Variants in BRME1 observed in about 807,000 individuals in gnomAD.
The protein encoded by BRME1 is break repair meiotic recombinase recruitment factor 1, also known as BRCA2 and MEILB2-associating protein 1.
A neutral mutation model predicts 52.6 loss-of-function variants in BRME1; 31 were observed. That is an observed-to-expected ratio of 0.59 (90% CI 0.44 to 0.80). BRME1 has a LOEUF of 0.80. BRME1 is among the 30% of genes least tolerant of loss of function. The pLI, the probability that BRME1 is intolerant of heterozygous loss-of-function variation, is 0.00. For synonymous variants in BRME1, 359 were observed against 353.6 expected, an observed-to-expected ratio of 1.02 and a Z score of -0.17; for missense variants, 804 against 860.3, an observed-to-expected ratio of 0.93 and a Z score of 0.82.
In BRME1 at chr19:13,893,219, G is replaced by T; in HGVS notation, c.211C>A (p.Pro71Thr). Residue 71 changes from proline (P) to threonine (T), a missense_variant, in exon 4 of 9, where the codon CCT becomes ACT. Pro to Thr is a conservative substitution (Grantham distance 38, BLOSUM62 -1). This residue lies in a region of BRME1 where 234 missense variants were observed against 258.1 expected (regional missense o/e 0.91). Transcript: ENST00000586783. ...CAGGGAGATCCTGTTTCCTCATCAG[G>T]GGAGCTATGTAGGAAAAGATAAAAC... ...EEPGKAVSSS[P>T]DEETGSPCRL... is the part of the protein sequence containing the mutation. The T allele has an allele frequency of 3.2e-6, 5 of 1,580,008 alleles. No homozygotes were observed. Among genetic ancestry groups the T allele is most frequent in the Non-Finnish European group, 4.3e-6 (5 of 1,163,836 alleles).
At chr19:13,897,581 G>T (rs1237195797) in intron 2 of BRME1, among the ~76,000 whole-genome samples, 1 of 151,874 alleles carries the variant, frequency 6.6e-6, no homozygotes, top group Non-Finnish European at 1.5e-5. Context: ...ATTGGCCTTT[G>T]CCACCAGCAA....
Position 13,895,383 on chromosome 19 carries a change from C to T in BRME1, c.195G>A (p.Lys65=), listed in dbSNP as rs750135283. 6.2e-7 allele frequency: 1 copy of T among 1,613,128 alleles called. No individual in the cohort carries two copies. The highest frequency in any genetic ancestry group is 8.5e-7 in the Non-Finnish European group (1 of 1,179,764). ...TCAGAGCCACCTACCTGGAGACGGC[C>T]TTTCCTGGTTCCTCCCCGTGCTGCT... is the stretch of plus-strand genomic sequence containing the variant. ...STQQHGEEPG[K]AVSSSPDEET... The change falls in exon 3 of 9, where the codon AAG becomes AAA. Residue 65 remains lysine, a synonymous_variant. Transcript: ENST00000586783.
chr19:13,887,466 C>T (rs1398499863), intron 6 of BRME1, among the ~76,000 whole-genome samples: 2 of 152,170 alleles, frequency 1.3e-5, no homozygotes, highest in Non-Finnish European at 2.9e-5. Flanking sequence ...GTCTGGATTT[C>T]AGGGTCTTTT....
At position 13,883,203 on chromosome 19, in the gene BRME1, C is replaced by G; in HGVS notation, c.1856+105G>C. 1.8e-6 allele frequency: 2 copies of G among 1,136,940 alleles called. No homozygotes were observed. The highest frequency in any genetic ancestry group is 2.9e-5 in the South Asian group (2 of 68,944). 70.4% of individuals were successfully genotyped at this position (1,136,940 alleles called of 1,614,324 possible). On this transcript the variant is annotated intron_variant, in intron 8 of 8. Transcript: ENST00000586783. The surrounding 1 kb of genome is among the most constrained non-coding windows in gnomAD (Gnocchi z 4.2). ...CCCAGCAGCAGTGAGGTGCCTGACC[C>G]TCGCTGCCCACCTAGGGGCTTCACA...
chr19:13,894,945 A>T (rs1206167573), intron 3 of BRME1, among the ~76,000 whole-genome samples: 2 of 151,974 alleles, frequency 1.3e-5, no homozygotes, highest in African/African-American at 4.8e-5. Context: ...TAGTGGCATG[A>T]TCTCAGCTTA....
chr19:13,891,147 A>T (rs930440614), intron 5 of BRME1, among the ~76,000 whole-genome samples: 3 of 148,464 alleles, frequency 2.0e-5, no homozygotes, highest in Admixed American at 6.7e-5. Context: ...TATTATTATT[A>T]TTATTATTAT....
Position 13,882,386 on chromosome 19 carries a change from C to A in BRME1, c.*416G>T. ...ACAGAATCATTTATTATGGGTCTTC[C>A]CAGAAGAAATAAAATGGAAATGGGG... On this transcript the variant is annotated 3_prime_UTR_variant, in exon 9 of 9. Transcript: ENST00000586783. 1 of 408,644 alleles carries A rather than the reference C, an allele frequency of 2.4e-6. No homozygotes were observed. Among genetic ancestry groups the A allele is most frequent in the Non-Finnish European group, 4.3e-6 (1 of 232,254 alleles). The allele number at this position is 408,644 out of a possible 1,614,324, so 25.3% of individuals were successfully genotyped here. A position where few individuals can be genotyped will look rare whatever the true frequency, so the allele number is the denominator to read the frequency against.
In BRME1 at chr19:13,904,925, C is replaced by A; in HGVS notation, c.-21-12G>T. ...TCCCCTTGAGAAATCTGAAAACAAG[C>A]AAAATCTCTCATCATTATAAGCAGT... On this transcript the variant is annotated splice_polypyrimidine_tract_variant and intron_variant, in intron 1 of 8. Transcript: ENST00000586783. 1 of 1,599,084 alleles carries A rather than the reference C, an allele frequency of 6.3e-7. No homozygotes were observed. Among genetic ancestry groups the A allele is most frequent in the Non-Finnish European group, 8.6e-7 (1 of 1,166,846 alleles).
intron 2 of BRME1, among the ~76,000 whole-genome samples, chr19:13,898,712 T>C (rs1408955178): frequency 6.6e-6 from 1 of 151,576 alleles, no homozygotes; most frequent in East Asian, 1.9e-4. Flanking sequence ...TCCCCTGAGG[T>C]CGGGAGTTTA....
At chr19:13,891,439 G>A (rs956504205) in intron 5 of BRME1, among the ~76,000 whole-genome samples, 3 of 151,564 alleles carry the variant, frequency 2.0e-5, no homozygotes, top group African/African-American at 7.3e-5. Context: ...ATGAGCCACT[G>A]CGCCCAGCGG....
At position 13,895,551 on chromosome 19, in the gene BRME1, T is replaced by G; in HGVS notation, c.32-5A>C. ...TTGGAGGACAGAGTCCCTCTCCTGTTTTAGAGACAGAGGAAGATGAAGGGG... is the reference window on the plus strand; with the variant it reads ...TTGGAGGACAGAGTCCCTCTCCTGTGTTAGAGACAGAGGAAGATGAAGGGG... On this transcript the variant is annotated splice_region_variant and splice_polypyrimidine_tract_variant and intron_variant, in intron 2 of 8. Coordinates refer to ENST00000586783, the MANE Select transcript of BRME1 (RefSeq NM_001345843.2). The G allele has an allele frequency of 6.2e-7, 1 of 1,610,198 alleles. No individual in the cohort carries two copies. Among genetic ancestry groups the G allele is most frequent in the Non-Finnish European group, 8.5e-7 (1 of 1,178,056 alleles).
rs746459535 is a variant in BRME1, at chr19:13,886,044, C to A, written c.1680G>T (p.Ser560=). ...FEAPPEQLFP[S]GNKPGPCWPG... ...GCCAGCAAGGGCCCGGCTTGTTCCC[C>A]GAAGGAAAGAGCTGGAAAGAGAGCA... is the stretch of plus-strand genomic sequence containing the variant. Residue 560 remains serine (S), a synonymous_variant, in exon 7 of 9, where the codon TCG becomes TCT. Transcript: ENST00000586783. The A allele has an allele frequency of 6.2e-7, 1 of 1,613,902 alleles. No individual in the cohort carries two copies. Among genetic ancestry groups the A allele is most frequent in the Non-Finnish European group, 8.5e-7 (1 of 1,179,974 alleles).
chr19:13,903,503 T>C (rs1473586085), intron 2 of BRME1, among the ~76,000 whole-genome samples: 2 of 151,942 alleles, frequency 1.3e-5, no homozygotes, highest in African/African-American at 2.4e-5. Context: ...TGAAACCCTA[T>C]CCCTACTAAA....
intron 3 of BRME1, among the ~76,000 whole-genome samples, chr19:13,894,443 T>C (rs1046747835): frequency 6.6e-6 from 1 of 152,136 alleles, no homozygotes; most frequent in Non-Finnish European, 1.5e-5. Context: ...GAGAATCGCT[T>C]GAACCCGGGA....
At chr19:13,904,761 A>C (rs1970551216) in intron 2 of BRME1, 101 bp downstream of exon 2, 3 of 1,237,352 alleles carry the variant, frequency 2.4e-6, no homozygotes, top group Middle Eastern at 1.9e-4. Context: ...CCTTTTAAGG[A>C]GGTTAAGGCA....
At position 13,889,819 on chromosome 19, in the gene BRME1, G is replaced by T; in HGVS notation, c.1037C>A (p.Pro346His). 6.2e-7 allele frequency: 1 copy of T among 1,613,136 alleles called. No homozygotes were observed. The part of the protein sequence containing the change: ...MVVIADLSTD[P>H]TELEERALEV... ...CAGAGCCCTCTCTTCCAGCTCAGTGGGGTCTGTGCTCAGGTCTGCGATGAC... is the reference window on the plus strand; with the variant it reads ...CAGAGCCCTCTCTTCCAGCTCAGTGTGGTCTGTGCTCAGGTCTGCGATGAC... The change falls in exon 6 of 9, where the codon CCC becomes CAC. Residue 346 changes from proline to histidine, a missense_variant. Pro to His is a moderately conservative substitution (Grantham distance 77). Around this residue, in one of 3 missense-constraint regions of BRME1, gnomAD observed 552 missense variants for 561.1 expected, o/e 0.98. Transcript: ENST00000586783.
At chr19:13,904,729 C>T (rs538904853) in intron 2 of BRME1, 133 bp downstream of exon 2, 34 of 940,034 alleles carry the variant, frequency 3.6e-5, no homozygotes, top group African/African-American at 1.0e-4. Context: ...TGTGAGCCAC[C>T]GCACCCGGCC....
rs377496573 is a variant in BRME1, at chr19:13,892,899, C to G, written c.289-9G>C. The G allele has an allele frequency of 1.9e-6, 3 of 1,607,968 alleles. 1 individual carries two copies. Among genetic ancestry groups the G allele is most frequent in the Non-Finnish European group, 8.5e-7 (1 of 1,174,372 alleles). ...AACCTCCCGAATGAGTTCTGTAAACCGGATACAAGAACAAAGCAGCAATAA... is the reference window on the plus strand; with the variant it reads ...AACCTCCCGAATGAGTTCTGTAAACGGGATACAAGAACAAAGCAGCAATAA... On this transcript the variant is annotated splice_polypyrimidine_tract_variant and intron_variant, in intron 4 of 8. Transcript: ENST00000586783.
chr19:13,898,877 C>T lies in BRME1; in HGVS notation c.32-3331G>A, dbSNP rs190363057. On this transcript the variant is annotated intron_variant, in intron 2 of 8. Coordinates refer to ENST00000586783, the MANE Select transcript of BRME1 (RefSeq NM_001345843.2). ...GGCGGAGGTTGCAGTGAGCCGATAT[C>T]GCGTCATTGCACTCCAGCCTGGGCA... Among the ~76,000 whole-genome samples, 15 of 141,672 alleles carry T rather than the reference C, an allele frequency of 1.1e-4. No individual in the cohort carries two copies. The East Asian group carries it at 1.3e-3, about 12-fold the overall frequency. 92.9% of individuals were successfully genotyped at this position (141,672 alleles called of 152,430 possible).
Sources: allele counts gnomAD v4.1 joint callset (sites outside exome capture counted in the v4.1 genomes callset), GRCh38; gene constraint gnomAD v4.1.1; regional missense constraint gnomAD v4.1.1; non-coding constraint Gnocchi (gnomAD v3.1); transcripts MANE v1.5; gene names NCBI Gene and HGNC (gene_info 2026-07-23, HGNC 2026-07-21).